Variants in ARHGAP18 observed in about 807,000 individuals in gnomAD.
ARHGAP18 encodes the protein rho GTPase-activating protein 18.
Under a neutral mutation model 86.2 loss-of-function variants are expected in ARHGAP18, and 67 were observed. That is an observed-to-expected ratio of 0.78 (90% confidence interval 0.64 to 0.95). ARHGAP18 has a LOEUF of 0.95. Ranked by LOEUF, ARHGAP18 falls within the 40% of genes least tolerant of loss-of-function variation. The pLI is 0.00. For synonymous variants in ARHGAP18, 283 were observed against 280.4 expected (o/e 1.01, Z -0.09); for missense variants, 691 against 780.4 (o/e 0.89, Z 1.37).
chr6:129,641,446 A>C (rs1206111869), intron 2 of ARHGAP18, among the ~76,000 whole-genome samples: 1 of 152,236 alleles, frequency 6.6e-6, no homozygotes, highest in East Asian at 1.9e-4. Context: ...GTCTCACTGC[A>C]AAGCAGTGCT....
chr6:129,587,619 A>G (rs149108734), intron 12 of ARHGAP18, among the ~76,000 whole-genome samples: 1 of 152,284 alleles, frequency 6.6e-6, no homozygotes, highest in African/African-American at 2.4e-5. Context: ...ATGTCAAGCA[A>G]AGGGGGAAAA....
At chr6:129,590,660 T>C (rs898358946) in intron 12 of ARHGAP18, among the ~76,000 whole-genome samples, 2 of 152,222 alleles carry the variant, frequency 1.3e-5, no homozygotes, top group South Asian at 2.1e-4. Context: ...TCATTTTGAC[T>C]CATTTCACAA....
At chr6:129,586,400 T>C (rs915534891) in intron 12 of ARHGAP18, among the ~76,000 whole-genome samples, 1 of 152,200 alleles carries the variant, frequency 6.6e-6, no homozygotes, top group Non-Finnish European at 1.5e-5. Context: ...ATTGTTTTAC[T>C]TATAAAACAA....
At chr6:129,643,001 TA>T (rs1192072315) in intron 1 of ARHGAP18, among the ~76,000 whole-genome samples, 1 of 152,154 alleles carries the variant, frequency 6.6e-6, no homozygotes, top group African/African-American at 2.4e-5. Context: ...ATAAATTGAA[TA>T]AATAAGAGTA....
intron 1 of ARHGAP18, among the ~76,000 whole-genome samples, chr6:129,657,980 T>C (rs764997349): frequency 2.6e-5 from 4 of 152,174 alleles, no homozygotes; most frequent in Non-Finnish European, 4.4e-5. Context: ...ACCTGAAGTG[T>C]TGTCATCATT....
Position 129,686,976 on chromosome 6 carries a change from TTC to T in ARHGAP18, c.113+23046_113+23047del, listed in dbSNP as rs1490579128. On this transcript the variant is annotated intron_variant, in intron 1 of 14. Coordinates refer to ENST00000368149, the MANE Select transcript of ARHGAP18 (RefSeq NM_033515.3). ...TGGCTAATTTTTTTTTCTTTTTTTT[TTC>T]TTTTTTTTTTTTTTTTTTGTATTTT... Among the ~76,000 whole-genome samples, 42 of 51,684 alleles carry T rather than the reference TTC, an allele frequency of 8.1e-4. 1 individual carries two copies. The highest frequency in any genetic ancestry group is 1.6e-3 in the Admixed American group (7 of 4,290). The allele number at this position is 51,684 out of a possible 152,430, so 33.9% of individuals were successfully genotyped here. A position where few individuals can be genotyped will look rare whatever the true frequency, so the allele number is the denominator to read the frequency against.
At chr6:129,587,209 G>A (rs894171237) in intron 12 of ARHGAP18, among the ~76,000 whole-genome samples, 2 of 152,150 alleles carry the variant, frequency 1.3e-5, no homozygotes, top group Admixed American at 6.5e-5. Flanking sequence ...TAGGAACAAT[G>A]TCTAAAAGAA....
chr6:129,674,867 A>G (rs1174288714), intron 1 of ARHGAP18, among the ~76,000 whole-genome samples: 1 of 152,190 alleles, frequency 6.6e-6, no homozygotes, highest in Non-Finnish European at 1.5e-5. Flanking sequence ...TCAGTTCGCT[A>G]TCACATATTA....
intron 1 of ARHGAP18, among the ~76,000 whole-genome samples, chr6:129,695,348 G>A (rs1053577317): frequency 6.6e-6 from 1 of 151,826 alleles, no homozygotes; most frequent in Non-Finnish European, 1.5e-5. Flanking sequence ...TCTTTTTAAT[G>A]GAACACCTGT....
intron 12 of ARHGAP18, among the ~76,000 whole-genome samples, chr6:129,590,551 ATAAAAAC>A (rs1788488171): frequency 6.6e-6 from 1 of 152,200 alleles, no homozygotes; most frequent in African/African-American, 2.4e-5. Flanking sequence ...TGGCTATGAA[ATAAAAAC>A]ATTTCCCACA....
rs1392045158 is a variant in ARHGAP18 at position 129,577,377 on chromosome 6, CAT to C, written c.*1134_*1135del. On this transcript the variant is annotated 3_prime_UTR_variant, in exon 15 of 15. Coordinates refer to ENST00000368149, the MANE Select transcript of ARHGAP18 (RefSeq NM_033515.3). ...CCTTTTATTTACTATATTCTAAACT[CAT>C]AAAATATTTAACATTTCTCTACTTC... 6.6e-6 allele frequency: 1 copy of C among 152,110 alleles called. No individual in the cohort carries two copies. The highest frequency in any genetic ancestry group is 2.4e-5 in the African/African-American group (1 of 41,436). 9.4% of individuals were successfully genotyped at this position (152,110 alleles called of 1,614,324 possible).
At chr6:129,625,098 T>TATATGATATATA (rs1554335952) in intron 5 of ARHGAP18, among the ~76,000 whole-genome samples, 3 of 80,666 alleles carry the variant, frequency 3.7e-5, no homozygotes, top group African/African-American at 1.3e-4. Context: ...TGATATATGA[T>TATATGATATATA]ATATATTATA....
chr6:129,666,638 G>A (rs1266291203), intron 1 of ARHGAP18, among the ~76,000 whole-genome samples: 1 of 152,156 alleles, frequency 6.6e-6, no homozygotes, highest in African/African-American at 2.4e-5. Flanking sequence ...TCCAGGGCCT[G>A]CCTCCACCCT....
intron 5 of ARHGAP18, among the ~76,000 whole-genome samples, chr6:129,625,323 ATGATATATG>A (rs1562696939): frequency 7.2e-5 from 6 of 83,332 alleles, no homozygotes; most frequent in African/African-American, 3.2e-4. Flanking sequence ...TGTAATATAT[ATGATATATG>A]ATATATATTT....
chr6:129,644,683 G>A (rs1773543760), intron 1 of ARHGAP18, among the ~76,000 whole-genome samples: 1 of 152,190 alleles, frequency 6.6e-6, no homozygotes, highest in Non-Finnish European at 1.5e-5. Context: ...ATCTGCTCAA[G>A]GGAAAAAGGT....
intron 7 of ARHGAP18, among the ~76,000 whole-genome samples, chr6:129,613,163 G>A (rs1314364315): frequency 6.6e-6 from 1 of 151,170 alleles, no homozygotes; most frequent in Non-Finnish European, 1.5e-5. Flanking sequence ...AACCCCAGAG[G>A]CGGAGCTTGC....
intron 10 of ARHGAP18, among the ~76,000 whole-genome samples, chr6:129,604,196 T>C (rs1234051848): frequency 7.6e-6 from 1 of 131,336 alleles, no homozygotes; most frequent in African/African-American, 3.0e-5. Context: ...TTACCAAAAA[T>C]AGTACTCCCC....
intron 2 of ARHGAP18, among the ~76,000 whole-genome samples, chr6:129,640,654 T>C (rs1022284532): frequency 3.9e-5 from 6 of 152,320 alleles, no homozygotes; most frequent in Admixed American, 2.6e-4. Context: ...AAGCAATGTG[T>C]AGCCAAGGAA....
At chr6:129,613,558 G>T (rs1168738232) in intron 7 of ARHGAP18, among the ~76,000 whole-genome samples, 1 of 152,158 alleles carries the variant, frequency 6.6e-6, no homozygotes, top group African/African-American at 2.4e-5. Context: ...AGGAAAAAGT[G>T]ATTGTGACTT....
Sources: gnomAD v4.1 joint callset for allele counts (sites outside exome capture counted in the v4.1 genomes callset) on GRCh38, gnomAD v4.1.1 for gene constraint, MANE v1.5 for transcripts, NCBI Gene and HGNC (gene_info 2026-07-23, HGNC 2026-07-21) for gene names.